PCCA: variants seen among roughly 807,000 people sequenced by gnomAD.
PCCA encodes the protein propionyl-CoA carboxylase subunit alpha.
PCCA carries 74 observed loss-of-function variants against 101.3 expected under a neutral mutation model. The ratio of observed to expected loss-of-function variants is 0.73; its 90% confidence interval spans 0.61 to 0.89. The LOEUF (loss-of-function observed/expected upper bound fraction) is 0.89, where lower values mean the gene tolerates loss of function less well. Ranked by LOEUF, PCCA falls within the 40% of genes least tolerant of loss-of-function variation. The probability of loss-of-function intolerance (pLI) is 0.00; values close to 1 mark genes in which losing one functional copy is unlikely to be tolerated. For synonymous variants in PCCA, 294 were observed against 313.6 expected (o/e 0.94, Z 0.66); for missense variants, 891 against 907.0 (o/e 0.98, Z 0.23).
At chr13:100,344,956 T>TG (rs869033742) in intron 18 of PCCA, among the ~76,000 whole-genome samples, 1 of 152,212 alleles carries the variant, frequency 6.6e-6, no homozygotes, top group African/African-American at 2.4e-5. Flanking sequence ...GTAATTGTTT[T>TG]GGGGTGCCAC....
chr13:100,319,841 A>G (rs1269111947), intron 16 of PCCA, among the ~76,000 whole-genome samples: 1 of 152,154 alleles, frequency 6.6e-6, no homozygotes, highest in Non-Finnish European at 1.5e-5. Flanking sequence ...TTCCATATGA[A>G]CTTTAAAGAT....
At chr13:100,142,976 TTA>T (rs1358475586) in intron 4 of PCCA, among the ~76,000 whole-genome samples, 3 of 152,276 alleles carry the variant, frequency 2.0e-5, no homozygotes, top group Admixed American at 6.5e-5. Context: ...CCTGATACAT[TTA>T]TGTTTTTTCA....
chr13:100,235,893 T>A lies in PCCA; in HGVS notation c.637+15T>A. ...AAGGGAAATTGGTAAGTCCTTAAAT[T>A]AACTTTGGTAGGATTTCTGTGTCTT... On this transcript the variant is annotated intron_variant, in intron 8 of 23. Transcript: ENST00000376285. 6.4e-7 allele frequency: 1 copy of A among 1,557,772 alleles called. No individual in the cohort carries two copies. The highest frequency in any genetic ancestry group is 1.4e-5 in the African/African-American group (1 of 74,036).
intron 19 of PCCA, among the ~76,000 whole-genome samples, chr13:100,400,497 G>C (rs1283923978): frequency 6.6e-6 from 1 of 152,006 alleles, no homozygotes; most frequent in Non-Finnish European, 1.5e-5. Flanking sequence ...TGGCTCTTGG[G>C]TTGGGAATTA....
At chr13:100,469,010 G>A (rs2082753051) in intron 21 of PCCA, among the ~76,000 whole-genome samples, 1 of 151,774 alleles carries the variant, frequency 6.6e-6, no homozygotes, top group Admixed American at 6.6e-5. Flanking sequence ...TCGGGAGTTC[G>A]AGAGCAGCCT....
intron 12 of PCCA, among the ~76,000 whole-genome samples, chr13:100,281,093 C>T (rs912058148): frequency 6.6e-6 from 1 of 152,232 alleles, no homozygotes; most frequent in Non-Finnish European, 1.5e-5. Context: ...GTCACCTCTA[C>T]TTTATTTCAT....
At chr13:100,345,731 A>G (rs2072100885) in intron 18 of PCCA, among the ~76,000 whole-genome samples, 1 of 152,224 alleles carries the variant, frequency 6.6e-6, no homozygotes, top group Non-Finnish European at 1.5e-5. Flanking sequence ...CTAGAGGGGA[A>G]AAGTCAATAC....
intron 12 of PCCA, among the ~76,000 whole-genome samples, chr13:100,276,997 C>G (rs2063713268): frequency 6.6e-6 from 1 of 152,074 alleles, no homozygotes; most frequent in Non-Finnish European, 1.5e-5. Flanking sequence ...TAATCAAAAC[C>G]TAAGATGATG....
intron 14 of PCCA, among the ~76,000 whole-genome samples, chr13:100,303,477 A>G (rs2152687071): frequency 6.6e-6 from 1 of 152,244 alleles, no homozygotes; most frequent in South Asian, 2.1e-4. Context: ...GAGTAATAAT[A>G]TTTATATCAG....
At chr13:100,248,509 G>A (rs1423084564) in intron 8 of PCCA, among the ~76,000 whole-genome samples, 1 of 152,140 alleles carries the variant, frequency 6.6e-6, no homozygotes, top group African/African-American at 2.4e-5. Context: ...GCACATAGTA[G>A]TATCTCATAG....
At chr13:100,292,485 C>G (rs991133527) in intron 12 of PCCA, among the ~76,000 whole-genome samples, 2 of 152,140 alleles carry the variant, frequency 1.3e-5, no homozygotes, top group African/African-American at 4.8e-5. Flanking sequence ...AAAATAGTAC[C>G]TGGTTTATAC....
chr13:100,268,640 A>G (rs776731002), intron 10 of PCCA, 49 bp from the exon 11 acceptor site: 17 of 1,283,914 alleles, frequency 1.3e-5, no homozygotes, highest in Non-Finnish European at 1.7e-5. Flanking sequence ...ACCATCATCT[A>G]CTTTGTGGGT....
chr13:100,341,957 G>GTATATATATATATATATATATATATATA lies in PCCA; in HGVS notation c.1643+1723_1643+1724insATATATATATATATATATATATATATAT, dbSNP rs35822001. Among the ~76,000 whole-genome samples, 106 of 107,066 alleles carry GTATATATATATATATATATATATATATA rather than the reference G, an allele frequency of 9.9e-4. 4 individuals are homozygous for GTATATATATATATATATATATATATATA. Among genetic ancestry groups the GTATATATATATATATATATATATATATA allele is most frequent in the African/African-American group, 3.6e-3 (83 of 23,312 alleles). 70.2% of individuals were successfully genotyped at this position (107,066 alleles called of 152,430 possible). ...TAATGTTTTGGTAGAACCCTTCAAA[G>GTATATATATATATATATATATATATATA]TATATATATATATATATATATATAT... On this transcript the variant is annotated intron_variant, in intron 18 of 23. Coordinates refer to ENST00000376285, the MANE Select transcript of PCCA (RefSeq NM_000282.4).
rs557881397 is a variant in PCCA at position 100,160,393 on chromosome 13, C to T, written c.468+3053C>T. Among the ~76,000 whole-genome samples, 50 of 151,770 alleles carry T rather than the reference C, an allele frequency of 3.3e-4. No individual in the cohort carries two copies. The East Asian group carries it at 8.5e-3, about 26-fold the overall frequency. On this transcript the variant is annotated intron_variant, in intron 6 of 23. Coordinates refer to ENST00000376285, the MANE Select transcript of PCCA (RefSeq NM_000282.4). ...TGGCACGAGCCTTTGATCCCAGCTA[C>T]GTGGGTGGCTGAGGCAGGAGAATCG...
intron 1 of PCCA, among the ~76,000 whole-genome samples, chr13:100,091,930 C>T (rs2046316836): frequency 2.0e-5 from 3 of 150,956 alleles, no homozygotes; most frequent in Admixed American, 2.0e-4. Context: ...CTTTGCTTTT[C>T]TTTTTTTTTG....
chr13:100,492,283 C>T (rs551371271), intron 21 of PCCA, among the ~76,000 whole-genome samples: 34 of 152,082 alleles, frequency 2.2e-4, no homozygotes, highest in East Asian at 5.8e-4. Context: ...TACAGGTGCC[C>T]GCCACCATGC....
At chr13:100,491,120 C>T (rs2084874393) in intron 21 of PCCA, 1 of 151,950 alleles carries the variant, frequency 6.6e-6, no homozygotes, top group African/African-American at 2.4e-5. Flanking sequence ...CAATTTCAAA[C>T]ATTGTAAGAA....
chr13:100,334,613 CTG>C (rs2070151341), intron 17 of PCCA, among the ~76,000 whole-genome samples: 1 of 152,114 alleles, frequency 6.6e-6, no homozygotes, highest in African/African-American at 2.4e-5. Flanking sequence ...AACTAAAAAA[CTG>C]TGATTTTTCT....
chr13:100,268,714 C>A lies in PCCA; in HGVS notation c.845C>A (p.Ala282Asp), dbSNP rs753454996. The A allele has an allele frequency of 6.2e-7, 1 of 1,613,738 alleles. No individual in the cohort carries two copies. Among genetic ancestry groups the A allele is most frequent in the South Asian group, 1.1e-5 (1 of 91,076 alleles). Residue 282 changes from alanine to aspartate, a missense_variant, in exon 11 of 24, where the codon GCT (alanine) becomes GAT (aspartate). Transcript: ENST00000376285. ...IQVLGDKHGN[A>D]LWLNERECSI... ...GTTCTAGGTGATAAACATGGGAATGCTTTATGGCTTAATGAAAGAGAGTGC... is the reference window on the plus strand; with the variant it reads ...GTTCTAGGTGATAAACATGGGAATGATTTATGGCTTAATGAAAGAGAGTGC...
Sources: allele counts gnomAD v4.1 joint callset (sites outside exome capture counted in the v4.1 genomes callset), GRCh38; gene constraint gnomAD v4.1.1; transcripts MANE v1.5; gene names NCBI Gene and HGNC (gene_info 2026-07-23, HGNC 2026-07-21).